The following CTNNA2 variants were observed in gnomAD, a reference collection of about 807,000 sequenced individuals.
The protein encoded by CTNNA2 is catenin alpha 2.
In CTNNA2, 42 loss-of-function variants were observed where a neutral mutation model predicts 101.0. The ratio of observed to expected loss-of-function variants is 0.42; its 90% CI spans 0.32 to 0.54. The LOEUF (loss-of-function observed/expected upper bound fraction) is 0.54, where lower values mean the gene tolerates loss of function less well. CTNNA2 is among the 20% of genes least tolerant of loss of function. The probability of loss-of-function intolerance (pLI) is 0.14; values close to 1 mark genes in which losing one functional copy is unlikely to be tolerated. For synonymous variants in CTNNA2, 450 were observed against 456.4 expected (o/e 0.99, Z 0.18); for missense variants, 871 against 1,223.1 (o/e 0.71, Z 4.29).
intron 15 of CTNNA2, among the ~76,000 whole-genome samples, chr2:80,592,820 T>C (rs1696629647): frequency 6.6e-6 from 1 of 152,208 alleles, no homozygotes; most frequent in Non-Finnish European, 1.5e-5. Context: ...ATATTAACTA[T>C]ATTAACTCAG....
rs1672467065 is a variant in CTNNA2, at chr2:80,259,902, AG to A, written c.1057-133306del. On this transcript the variant is annotated intron_variant, in intron 7 of 18. Transcript: ENST00000402739. ...ATTAAATGAGATTGTGGCTGCGCAA[AG>A]GGTTTGAAAATTAAAAGGTGTGTTT... 2.0e-5 allele frequency among the ~76,000 whole-genome samples: 3 copies of A among 152,210 alleles called. No individual in the cohort carries two copies. The South Asian group carries it at 6.2e-4, about 32-fold the overall frequency.
chr2:79,563,828 T>C (rs866619834), intron 1 of CTNNA2, among the ~76,000 whole-genome samples: 2 of 152,194 alleles, frequency 1.3e-5, no homozygotes, highest in African/African-American at 2.4e-5. Flanking sequence ...CTTTGCTACA[T>C]TGTACATTTG....
rs758121178 is a variant in CTNNA2, at chr2:80,545,865, AGT to A, written c.1384-36_1384-35del. 2.5e-6 allele frequency: 4 copies of A among 1,599,816 alleles called. No homozygotes were observed. In the South Asian group the frequency reaches 4.5e-5, roughly 18 times the overall value. On this transcript the variant is annotated intron_variant, in intron 10 of 18. Coordinates refer to ENST00000402739, the MANE Select transcript of CTNNA2 (RefSeq NM_001282597.3). ...TTTGACCGGCTTATTCCTCTTTTGA[AGT>A]GTGTGGTCATCATGTCCCTGGATTG...
rs1460737123 is a variant in CTNNA2 at position 79,982,268 on chromosome 2, CATATATATA to C, written c.1056+72482_1056+72490del. Reference sequence around the variant, plus strand: ...TATGTATATGTACACACACACATAACATATATATAATATATATAACATATATAACATATA... The same window carrying C: ...TATGTATATGTACACACACACATAACATATATATAACATATATAACATATA... On this transcript the variant is annotated intron_variant, in intron 7 of 18. Transcript: ENST00000402739. Among the ~76,000 whole-genome samples, 4 of 109,004 alleles carry C rather than the reference CATATATATA, an allele frequency of 3.7e-5. No homozygotes were observed. In the East Asian group the frequency reaches 9.2e-4, roughly 25 times the overall value. The allele number at this position is 109,004 out of a possible 152,430, so 71.5% of individuals were successfully genotyped here. A position where few individuals can be genotyped will look rare whatever the true frequency, so the allele number is the denominator to read the frequency against.
At chr2:80,203,493 G>C (rs569368677) in intron 7 of CTNNA2, among the ~76,000 whole-genome samples, 1 of 152,360 alleles carries the variant, frequency 6.6e-6, no homozygotes, top group African/African-American at 2.4e-5. Context: ...CAGCAGGGTA[G>C]TTAAATCTTA....
chr2:80,037,835 G>A (rs1216865412), intron 7 of CTNNA2, among the ~76,000 whole-genome samples: 2 of 152,110 alleles, frequency 1.3e-5, no homozygotes, highest in Non-Finnish European at 2.9e-5. Flanking sequence ...GGATGAACTT[G>A]ACCACTTCAT....
In CTNNA2 at chr2:79,219,317, T is replaced by C. The variant is rs145637144; in HGVS notation, c.-406+21241T>C. 8.7e-4 allele frequency among the ~76,000 whole-genome samples: 132 copies of C among 152,308 alleles called. 1 individual carries two copies. The highest frequency in any genetic ancestry group is 3.4e-3 in the Middle Eastern group (1 of 294). On this transcript the variant is annotated intron_variant, in intron 2 of 21. Transcript: ENST00000466387. ...TTCTAAAGCCTCCACTCTTTTTAAA[T>C]GGGAAAACAATCTAATTTAAAACTT...
At chr2:80,614,335 A>G (rs1698681856) in intron 17 of CTNNA2, among the ~76,000 whole-genome samples, 1 of 151,538 alleles carries the variant, frequency 6.6e-6, no homozygotes, top group African/African-American at 2.4e-5. Flanking sequence ...GATAAAACAC[A>G]ATGTAGTACT....
At chr2:79,595,562 G>A (rs1677133879) in intron 1 of CTNNA2, among the ~76,000 whole-genome samples, 1 of 152,082 alleles carries the variant, frequency 6.6e-6, no homozygotes, top group Admixed American at 6.6e-5. Context: ...GCGAAAACCA[G>A]GTAGTTATCT....
intron 3 of CTNNA2, among the ~76,000 whole-genome samples, chr2:79,754,882 G>A (rs1280081423): frequency 6.6e-6 from 1 of 152,026 alleles, no homozygotes; most frequent in Admixed American, 6.6e-5. Flanking sequence ...ATACCTTTGG[G>A]GAAAGAAGAG....
At chr2:79,614,762 A>G (rs1217873275) in intron 1 of CTNNA2, among the ~76,000 whole-genome samples, 1 of 152,174 alleles carries the variant, frequency 6.6e-6, no homozygotes, top group Non-Finnish European at 1.5e-5. Flanking sequence ...ATAGAATGAC[A>G]ATTCAGTCTT....
intron 1 of CTNNA2, among the ~76,000 whole-genome samples, chr2:79,561,820 A>G (rs758788772): frequency 8.6e-5 from 13 of 151,480 alleles, no homozygotes; most frequent in Non-Finnish European, 1.6e-4. Flanking sequence ...TCTTTTTATT[A>G]TTGAGTTATA....
intron 3 of CTNNA2, among the ~76,000 whole-genome samples, chr2:79,318,032 A>T (rs1676535740): frequency 6.6e-6 from 1 of 152,114 alleles, no homozygotes; most frequent in South Asian, 2.1e-4. Context: ...ATGCTTAAAC[A>T]AATAAAAGAT....
intron 7 of CTNNA2, among the ~76,000 whole-genome samples, chr2:80,282,931 A>C (rs2149163350): frequency 6.6e-6 from 1 of 152,226 alleles, no homozygotes; most frequent in South Asian, 2.1e-4. Flanking sequence ...GATATTGGTC[A>C]AAATCAGGCA....
chr2:79,440,603 G>A (rs929504045), intron 4 of CTNNA2, among the ~76,000 whole-genome samples: 43 of 152,088 alleles, frequency 2.8e-4, no homozygotes, highest in Non-Finnish European at 5.4e-4. Flanking sequence ...AATACACCTG[G>A]CAACTCAGTA....
chr2:79,198,738 A>G (rs887064170), intron 2 of CTNNA2, among the ~76,000 whole-genome samples: 1 of 152,218 alleles, frequency 6.6e-6, no homozygotes, highest in Admixed American at 6.5e-5. Context: ...TAGTGTTGGT[A>G]CCTGAGAATA....
intron 2 of CTNNA2, among the ~76,000 whole-genome samples, chr2:79,262,528 A>G (rs540835781): frequency 6.6e-6 from 1 of 152,304 alleles, no homozygotes; most frequent in Non-Finnish European, 1.5e-5. Context: ...TAGAGAAAAA[A>G]AAAACTAGGC....
chr2:80,052,404 T>A (rs973011053), intron 7 of CTNNA2, among the ~76,000 whole-genome samples: 1 of 152,226 alleles, frequency 6.6e-6, no homozygotes, highest in Admixed American at 6.5e-5. Flanking sequence ...ATCTTAGATG[T>A]CATATAGCTA....
In CTNNA2 at chr2:79,469,660, T is replaced by A. The variant is rs1442390433; in HGVS notation, c.-134-35394T>A. Among the ~76,000 whole-genome samples the A allele has an allele frequency of 7.2e-5, 11 of 152,150 alleles. No homozygotes were observed. The East Asian group carries it at 9.7e-4, about 13-fold the overall frequency. ...ATACTGGCAAACCGAATCCAGCACC[T>A]CATCAAAAAGCTTATCCACCATGAT... On this transcript the variant is annotated intron_variant, in intron 4 of 21. Transcript: ENST00000466387.
Sources: allele counts gnomAD v4.1 joint callset (sites outside exome capture counted in the v4.1 genomes callset), GRCh38; gene constraint gnomAD v4.1.1; transcripts MANE v1.5; gene names NCBI Gene and HGNC (gene_info 2026-07-23, HGNC 2026-07-21).